Variants in SLC17A9 observed in about 807,000 individuals in gnomAD.
SLC17A9 encodes solute carrier family 17 member 9, also known as voltage-gated purine nucleotide uniporter SLC17A9.
Under a neutral mutation model 55.0 loss-of-function variants are expected in SLC17A9, and 49 were observed. The ratio of observed to expected loss-of-function variants is 0.89; its 90% CI spans 0.71 to 1.13. The LOEUF is 1.13. SLC17A9 is among the 50% of genes most tolerant of loss of function. SLC17A9 has a pLI of 0.00. For synonymous variants in SLC17A9, 256 were observed against 247.4 expected (o/e 1.03, Z -0.32); for missense variants, 526 against 569.3 (o/e 0.92, Z 0.77).
chr20:62,954,950 G>T (rs1170140250), intron 1 of SLC17A9, among the ~76,000 whole-genome samples: 1 of 152,136 alleles, frequency 6.6e-6, no homozygotes, highest in Non-Finnish European at 1.5e-5. Context: ...CCTGGACACA[G>T]GTCCCCCACC....
rs2065593456 is a variant in SLC17A9, at chr20:62,962,043, C to A, written c.498-581C>A. Among the ~76,000 whole-genome samples, 1 of 152,228 alleles carries A rather than the reference C, an allele frequency of 6.6e-6. No homozygotes were observed. The highest frequency in any genetic ancestry group is 2.4e-5 in the African/African-American group (1 of 41,462). ...TTCCCCCTGGTGCCAGTGGAGGGGC[C>A]TCAGCAGCAGATGGGGGCTGGGCCG... On this transcript the variant is annotated intron_variant, in intron 4 of 12. Transcript: ENST00000370351. The surrounding 1 kb of genome is among the most constrained non-coding windows in gnomAD (Gnocchi z 5.5).
intron 1 of SLC17A9, chr20:62,953,117 C>A: frequency 6.9e-7 from 1 of 1,457,222 alleles, no homozygotes; most frequent in Non-Finnish European, 9.4e-7. Context: ...AGTGCCCTAT[C>A]CCAGCCAGTG....
rs1255902141 is a variant in SLC17A9, at chr20:62,966,516, T to A, written c.1062-9T>A. On this transcript the variant is annotated splice_polypyrimidine_tract_variant and intron_variant, in intron 10 of 12. Transcript: ENST00000370351. Reference sequence around the variant, plus strand: ...CAGGGCCACTCACCACCCTCTTTCCTCCCCACAGTGGCATTTCTGTTAACA... The same window carrying A: ...CAGGGCCACTCACCACCCTCTTTCCACCCCACAGTGGCATTTCTGTTAACA... The A allele has an allele frequency of 6.2e-7, 1 of 1,613,782 alleles. No homozygotes were observed. The highest frequency in any genetic ancestry group is 2.2e-5 in the East Asian group (1 of 44,852).
In SLC17A9 at chr20:62,961,293, A is replaced by G. The variant is rs6010796; in HGVS notation, c.497+690A>G. ...CAGGGTGGGCCTATCAGCTGGCTGG[A>G]GGGCGGCTTGTCCTCAGGGTGGGCC... On this transcript the variant is annotated intron_variant, in intron 4 of 12. Coordinates refer to ENST00000370351, the MANE Select transcript of SLC17A9 (RefSeq NM_022082.4). 3.2e-3 allele frequency among the ~76,000 whole-genome samples: 164 copies of G among 51,818 alleles called. 2 individuals are homozygous for G. Among genetic ancestry groups the G allele is most frequent in the African/African-American group, 0.013 (154 of 12,166 alleles). The allele number at this position is 51,818 out of a possible 152,430, so 34.0% of individuals were successfully genotyped here. A position where few individuals can be genotyped will look rare whatever the true frequency, so the allele number is the denominator to read the frequency against.
At position 62,963,639 on chromosome 20, in the gene SLC17A9, T is replaced by C. The variant is rs1425961916; in HGVS notation, c.781T>C (p.Trp261Arg). The C allele has an allele frequency of 5.0e-6, 8 of 1,603,806 alleles. No homozygotes were observed. The Admixed American group carries it at 1.2e-4, about 24-fold the overall frequency. The change falls in exon 7 of 13, where the codon TGG becomes CGG. Residue 261 changes from tryptophan to arginine, a missense_variant. Coordinates refer to ENST00000370351, the MANE Select transcript of SLC17A9 (RefSeq NM_022082.4). ...CTGCTCCTTCTTCATCCTCCTCTCCTGGCTGCCCACCTTCTTCGAGGAGAC... is the reference window on the plus strand; with the variant it reads ...CTGCTCCTTCTTCATCCTCCTCTCCCGGCTGCCCACCTTCTTCGAGGAGAC... ...AACSFFILLS[W>R]LPTFFEETFP...
In SLC17A9 at chr20:62,965,518, C is replaced by T. The variant is rs1236106406; in HGVS notation, c.946-92C>T. 1.2e-5 allele frequency: 15 copies of T among 1,201,716 alleles called. No individual in the cohort carries two copies. In the Admixed American group the frequency reaches 1.3e-4, roughly 10 times the overall value. The allele number at this position is 1,201,716 out of a possible 1,614,324, so 74.4% of individuals were successfully genotyped here. The stretch of plus-strand genomic sequence containing the variant: ...CAGCCAACCTGACCGTTGTGCGGTG[C>T]GCCCAGGGGGGCTTTCGGGCAGCTG... On this transcript the variant is annotated intron_variant, in intron 9 of 12. Coordinates refer to ENST00000370351, the MANE Select transcript of SLC17A9 (RefSeq NM_022082.4).
intron 9 of SLC17A9, 79 bp downstream of exon 9, chr20:62,965,245 C>G: frequency 1.3e-6 from 2 of 1,582,228 alleles, no homozygotes; most frequent in Non-Finnish European, 1.7e-6. Flanking sequence ...GGTTGTGTCC[C>G]CAAGTCACCT....
chr20:62,955,484 T>C (rs1006759696), intron 1 of SLC17A9, among the ~76,000 whole-genome samples: 6 of 152,054 alleles, frequency 3.9e-5, no homozygotes, highest in Admixed American at 1.3e-4. Context: ...TTTGTTTTGT[T>C]TTTTTTTGTA....
intron 9 of SLC17A9, 76 bp from the exon 10 acceptor site, chr20:62,965,534 C>T (rs754702183): frequency 3.9e-5 from 55 of 1,394,782 alleles, no homozygotes; most frequent in Non-Finnish European, 4.0e-5. Flanking sequence ...GGGGGGCTTT[C>T]GGGCAGCTGA....
chr20:62,955,356 G>T (rs1021468759), intron 1 of SLC17A9, among the ~76,000 whole-genome samples: 1 of 151,974 alleles, frequency 6.6e-6, no homozygotes, highest in Non-Finnish European at 1.5e-5. Flanking sequence ...CCATGTGGGC[G>T]AGGCTGGTCT....
In SLC17A9 at chr20:62,957,715, C is replaced by T. The variant is rs560139283; in HGVS notation, c.397+135C>T. On this transcript the variant is annotated intron_variant, in intron 3 of 12. Coordinates refer to ENST00000370351, the MANE Select transcript of SLC17A9 (RefSeq NM_022082.4). Reference sequence around the variant, plus strand: ...AAGTGTGTGTGTATGGGCATGCCCGCGTGCATGCGTGCACCTGTGTGTGTG... The same window carrying T: ...AAGTGTGTGTGTATGGGCATGCCCGTGTGCATGCGTGCACCTGTGTGTGTG... 1.4e-5 allele frequency: 9 copies of T among 665,942 alleles called. No homozygotes were observed. The Admixed American group carries it at 2.0e-4, about 15-fold the overall frequency. The allele number at this position is 665,942 out of a possible 1,614,324, so 41.3% of individuals were successfully genotyped here.
At chr20:62,964,805 A>C (rs1324160469) in intron 8 of SLC17A9, among the ~76,000 whole-genome samples, 1 of 152,186 alleles carries the variant, frequency 6.6e-6, no homozygotes, top group East Asian at 1.9e-4. Flanking sequence ...AGGAATACAC[A>C]CTCGTTGTGG....
intron 8 of SLC17A9, among the ~76,000 whole-genome samples, chr20:62,964,724 C>T (rs2065619786): frequency 6.6e-6 from 1 of 152,262 alleles, no homozygotes; most frequent in Non-Finnish European, 1.5e-5. Context: ...GGCGGATGCA[C>T]ACGCGTGCCC....
rs772284801 is a variant in SLC17A9, at chr20:62,957,713, C to T, written c.397+133C>T. On this transcript the variant is annotated intron_variant, in intron 3 of 12. Coordinates refer to ENST00000370351, the MANE Select transcript of SLC17A9 (RefSeq NM_022082.4). ...ACAAGTGTGTGTGTATGGGCATGCC[C>T]GCGTGCATGCGTGCACCTGTGTGTG... 31 of 704,616 alleles carry T rather than the reference C, an allele frequency of 4.4e-5. 1 individual carries two copies. The highest frequency in any genetic ancestry group is 5.6e-5 in the African/African-American group (3 of 53,402). 43.6% of individuals were successfully genotyped at this position (704,616 alleles called of 1,614,324 possible). A position where few individuals can be genotyped will look rare whatever the true frequency, so the allele number is the denominator to read the frequency against.
intron 8 of SLC17A9, among the ~76,000 whole-genome samples, chr20:62,964,812 G>A (rs148989114): frequency 2.0e-5 from 3 of 152,374 alleles, no homozygotes; most frequent in African/African-American, 7.2e-5. Context: ...CACACTCGTT[G>A]TGGAAAAGCT....
intron 3 of SLC17A9, among the ~76,000 whole-genome samples, 193 bp from the exon 4 acceptor site, chr20:62,960,311 G>C (rs1459059443): frequency 6.6e-6 from 1 of 152,240 alleles, no homozygotes. Flanking sequence ...GCACGACCCT[G>C]AGCGAGCCTC....
Position 62,958,152 on chromosome 20 carries a change from C to T in SLC17A9, c.397+572C>T, listed in dbSNP as rs931698093. ...ATGCGTGTGTACGTGCGTGAGTGTG[C>T]CCGTATGAGGGTGTACGTGTGGCCA... On this transcript the variant is annotated intron_variant, in intron 3 of 12. Transcript: ENST00000370351. This position sits in a 1 kb window ranked among gnomAD's most constrained non-coding sequence, Gnocchi z 4.1. 6.6e-6 allele frequency among the ~76,000 whole-genome samples: 1 copy of T among 152,078 alleles called. No individual in the cohort carries two copies. The highest frequency in any genetic ancestry group is 1.5e-5 in the Non-Finnish European group (1 of 68,012).
In SLC17A9 at chr20:62,957,657, G is replaced by A. The variant is rs907952645; in HGVS notation, c.397+77G>A. ...ACAAGGGGGGTGTGCACGGATGTGT[G>A]TGCAGGTGCATGCGTGCATGCAGGT... On this transcript the variant is annotated intron_variant, in intron 3 of 12. Transcript: ENST00000370351. 8.5e-6 allele frequency: 11 copies of A among 1,296,868 alleles called. No individual in the cohort carries two copies. The Admixed American group carries it at 1.1e-4, about 13-fold the overall frequency. 80.3% of individuals were successfully genotyped at this position (1,296,868 alleles called of 1,614,324 possible).
rs893353160 is a variant in SLC17A9, at chr20:62,958,485, G to T, written c.397+905G>T. Among the ~76,000 whole-genome samples the T allele has an allele frequency of 2.0e-5, 3 of 152,066 alleles. No individual in the cohort carries two copies. The highest frequency in any genetic ancestry group is 6.5e-5 in the Admixed American group (1 of 15,286). ...TGGGGTCCCCTGGAGAAACAGCCAGGCCTCCAGCCTGCAGGGGCCTGCTGG... is the reference window on the plus strand; with the variant it reads ...TGGGGTCCCCTGGAGAAACAGCCAGTCCTCCAGCCTGCAGGGGCCTGCTGG... On this transcript the variant is annotated intron_variant, in intron 3 of 12. Transcript: ENST00000370351. The surrounding 1 kb of genome is among the most constrained non-coding windows in gnomAD (Gnocchi z 4.1).
Sources: gnomAD v4.1 joint callset for allele counts (sites outside exome capture counted in the v4.1 genomes callset) on GRCh38, gnomAD v4.1.1 for gene constraint, Gnocchi (gnomAD v3.1) non-coding constraint, MANE v1.5 for transcripts, NCBI Gene and HGNC (gene_info 2026-07-23, HGNC 2026-07-21) for gene names.